LRRC7: variants seen among roughly 807,000 people sequenced by gnomAD.
The protein encoded by LRRC7 is leucine rich repeat containing 7.
LRRC7 carries 23 observed loss-of-function variants against 175.7 expected under a neutral mutation model. The observed-to-expected ratio is 0.13, with a 90% confidence interval of 0.09 to 0.19. The LOEUF is 0.19. Ranked by LOEUF, LRRC7 falls within the 10% of genes least tolerant of loss-of-function variation. The pLI is 1.00. For missense variants in LRRC7, 1,354 were observed against 1,904.7 expected, an observed-to-expected ratio of 0.71 and a Z score of 5.38; for synonymous variants, 685 against 680.9, an observed-to-expected ratio of 1.01 and a Z score of -0.09.
chr1:69,814,515 AC>A (rs1215043079), intron 4 of LRRC7, among the ~76,000 whole-genome samples: 1 of 152,136 alleles, frequency 6.6e-6, no homozygotes, highest in African/African-American at 2.4e-5. Context: ...ACTCAGAATA[AC>A]CCTCTGAATT....
At chr1:69,953,952 T>C (rs909865586) in intron 8 of LRRC7, among the ~76,000 whole-genome samples, 1 of 152,056 alleles carries the variant, frequency 6.6e-6, no homozygotes, top group Non-Finnish European at 1.5e-5. Context: ...AAGTATAGAA[T>C]TTGTTGAATA....
chr1:70,011,796 GT>G lies in LRRC7; in HGVS notation c.1007del (p.Leu336TyrfsTer4). The G allele has an allele frequency of 6.4e-7, 1 of 1,560,016 alleles. No homozygotes were observed. Among genetic ancestry groups the G allele is most frequent in the Non-Finnish European group, 8.8e-7 (1 of 1,133,594 alleles). On this transcript the variant is annotated frameshift_variant and splice_region_variant, in exon 12 of 27. Coordinates refer to ENST00000651989, the MANE Select transcript of LRRC7 (RefSeq NM_001370785.2). LOFTEE classifies it high-confidence loss of function. ...QLTMLPNTIG[N>X]LSLLEEFDCS... The stretch of plus-strand genomic sequence containing the variant: ...TCTAACTAATGTATTTAACTTTTCA[GT>G]TTATCTTTATTAGAAGAATTTGACT...
chr1:69,955,646 T>C (rs1650414675), intron 8 of LRRC7, among the ~76,000 whole-genome samples: 1 of 152,026 alleles, frequency 6.6e-6, no homozygotes, highest in Non-Finnish European at 1.5e-5. Flanking sequence ...TTGATAAAAT[T>C]GGTATGTTTG....
At chr1:69,910,457 C>G (rs986022486) in intron 7 of LRRC7, among the ~76,000 whole-genome samples, 5 of 152,136 alleles carry the variant, frequency 3.3e-5, no homozygotes, top group Admixed American at 2.0e-4. Context: ...CACTCCAGAC[C>G]CTGTTTGCCT....
At chr1:69,601,491 A>G (rs891004859) in intron 1 of LRRC7, among the ~76,000 whole-genome samples, 2 of 152,206 alleles carry the variant, frequency 1.3e-5, no homozygotes, top group South Asian at 2.1e-4. Context: ...GAACTATTCA[A>G]TCATATTCTT....
chr1:70,039,650 G>T lies in LRRC7; in HGVS notation c.3826G>T (p.Gly1276Cys). ...LEKIPSDYNLGNYGDKPSDNS... is the reference protein window; with the variant it reads ...LEKIPSDYNLCNYGDKPSDNS... The stretch of plus-strand genomic sequence containing the variant: ...AAAAATACCATCTGACTATAACTTG[G>T]GTAACTATGGTGACAAGCCATCAGA... The change falls in exon 21 of 27, where the codon GGT becomes TGT. Residue 1276 changes from glycine to cysteine, a missense_variant. Physicochemically the swap from Gly to Cys is radical, Grantham distance 159 (BLOSUM62 -3). Around this residue, in one of 4 missense-constraint regions of LRRC7, gnomAD observed 1,032 missense variants for 1,227.2 expected, o/e 0.84. Coordinates refer to ENST00000651989, the MANE Select transcript of LRRC7 (RefSeq NM_001370785.2). The T allele has an allele frequency of 6.2e-7, 1 of 1,614,050 alleles. No individual in the cohort carries two copies.
intron 8 of LRRC7, among the ~76,000 whole-genome samples, chr1:69,941,882 T>A (rs1648756671): frequency 6.6e-6 from 1 of 152,128 alleles, no homozygotes; most frequent in South Asian, 2.1e-4. Flanking sequence ...AACAATCCAG[T>A]CTTTCCTCTA....
At chr1:69,846,739 A>G (rs1011405757) in intron 7 of LRRC7, among the ~76,000 whole-genome samples, 3 of 152,072 alleles carry the variant, frequency 2.0e-5, no homozygotes, top group Admixed American at 1.3e-4. Context: ...GTTGATGAAA[A>G]TAAGGCTTAT....
chr1:69,571,549 T>C (rs1263518639), intron 1 of LRRC7, among the ~76,000 whole-genome samples: 1 of 152,158 alleles, frequency 6.6e-6, no homozygotes, highest in South Asian at 2.1e-4. Flanking sequence ...TACTTGTAGA[T>C]CTCTCTTATT....
chr1:70,041,381 C>T (rs192125976), intron 21 of LRRC7, among the ~76,000 whole-genome samples: 1 of 152,260 alleles, frequency 6.6e-6, no homozygotes, highest in Non-Finnish European at 1.5e-5. Context: ...ATTGGTTCTG[C>T]CTTGCAAAAT....
At chr1:69,853,930 T>C (rs1450640324) in intron 7 of LRRC7, among the ~76,000 whole-genome samples, 3 of 152,208 alleles carry the variant, frequency 2.0e-5, no homozygotes, top group Non-Finnish European at 4.4e-5. Flanking sequence ...GATATTTCAC[T>C]GATAAAGTTT....
intron 23 of LRRC7, among the ~76,000 whole-genome samples, chr1:70,071,881 AT>A (rs1662417491): frequency 6.6e-6 from 1 of 152,094 alleles, no homozygotes. Context: ...AAACCAAATC[AT>A]TTTTACAGTG....
At chr1:69,771,917 T>C (rs1672285946) in intron 3 of LRRC7, among the ~76,000 whole-genome samples, 1 of 151,984 alleles carries the variant, frequency 6.6e-6, no homozygotes, top group African/African-American at 2.4e-5. Flanking sequence ...AGTCAAGAGA[T>C]CAAGACCAGC....
chr1:69,919,520 T>A (rs1646817762), intron 7 of LRRC7: 9 of 822,792 alleles, frequency 1.1e-5, no homozygotes, highest in Admixed American at 4.0e-5. Context: ...CCCGCCAGGG[T>A]CCGCCGCTCG....
chr1:69,672,982 A>C (rs1557580480), intron 1 of LRRC7, among the ~76,000 whole-genome samples: 1 of 152,180 alleles, frequency 6.6e-6, no homozygotes. Context: ...TTCTAACTGC[A>C]GTCTCTTCCT....
intron 8 of LRRC7, among the ~76,000 whole-genome samples, chr1:69,939,037 A>ATATATATATATATCTATC (rs1557911148): frequency 1.2e-5 from 1 of 80,938 alleles, no homozygotes; most frequent in African/African-American, 3.9e-5. Context: ...ATATCTATAT[A>ATATATATATATATCTATC]TATCTATATC....
At chr1:69,606,712 G>A (rs1647644258) in intron 1 of LRRC7, 1 of 152,064 alleles carries the variant, frequency 6.6e-6, no homozygotes, top group Non-Finnish European at 1.5e-5. Context: ...ATGGCAGTTT[G>A]ACCCACTTGT....
intron 18 of LRRC7, among the ~76,000 whole-genome samples, chr1:70,029,458 C>A (rs567336655): frequency 7.0e-4 from 106 of 152,060 alleles, no homozygotes; most frequent in African/African-American, 2.4e-3. Context: ...AGGTACCAAC[C>A]TACCCTAGAG....
chr1:70,067,247 T>C (rs1250029272), intron 23 of LRRC7, among the ~76,000 whole-genome samples: 3 of 152,266 alleles, frequency 2.0e-5, no homozygotes, highest in Admixed American at 6.5e-5. Flanking sequence ...GACTTTTTTT[T>C]CATTCTTTTA....
Sources: gnomAD v4.1 joint callset for allele counts (sites outside exome capture counted in the v4.1 genomes callset) on GRCh38, gnomAD v4.1.1 for gene constraint, gnomAD v4.1.1 regional missense constraint, MANE v1.5 for transcripts, NCBI Gene and HGNC (gene_info 2026-07-23, HGNC 2026-07-21) for gene names.